Variants in ENG observed in about 807,000 individuals in gnomAD.
ENG encodes the protein endoglin.
ENG carries 17 observed loss-of-function variants against 71.0 expected under a neutral mutation model. That is an observed-to-expected ratio of 0.24 (90% confidence interval 0.16 to 0.36). The LOEUF is 0.36. Among genes scored for constraint, ENG ranks in the 10% least tolerant of loss-of-function variants. The pLI, the probability that ENG is intolerant of heterozygous loss-of-function variation, is 1.00. For synonymous variants in ENG, 360 were observed against 366.9 expected, an observed-to-expected ratio of 0.98 and a Z score of 0.21; for missense variants, 749 against 868.3, an observed-to-expected ratio of 0.86 and a Z score of 1.73.
At chr9:127,843,065 C>G (rs1293529017) in intron 2 of ENG, 29 bp downstream of exon 2, 35 of 1,613,438 alleles carry the variant, frequency 2.2e-5, no homozygotes, top group Non-Finnish European at 3.0e-5. Context: ...CCTCTGAGCC[C>G]CCACCCGACC....
At chr9:127,829,593 G>A (rs1830709037) in intron 3 of ENG, 94 bp downstream of exon 3, 2 of 1,530,062 alleles carry the variant, frequency 1.3e-6, no homozygotes, top group East Asian at 4.7e-5. Flanking sequence ...GCAGGGCTGG[G>A]CCGCTGGGGT....
intron 2 of ENG, among the ~76,000 whole-genome samples, chr9:127,840,526 AAAAC>A (rs954660424): frequency 1.1e-4 from 17 of 152,184 alleles, no homozygotes; most frequent in Non-Finnish European, 1.8e-4. Context: ...AAAACAACAA[AAAAC>A]AAACAAACAG....
At chr9:127,829,595 C>T (rs886983044) in intron 3 of ENG, 92 bp downstream of exon 3, 30 of 1,542,292 alleles carry the variant, frequency 1.9e-5, no homozygotes, top group East Asian at 4.7e-5. Flanking sequence ...AGGGCTGGGC[C>T]GCTGGGGTGG....
rs1200680629 is a variant in ENG at position 127,846,529 on chromosome 9, C to G, written c.68-3284G>C. ...GATTGCTGGGGCCGCCTGGGGCCGC[C>G]TCCTCCATGCCGTCAGCCAGCGGGA... On this transcript the variant is annotated intron_variant, in intron 1 of 14. Coordinates refer to ENST00000373203, the MANE Select transcript of ENG (RefSeq NM_001114753.3). The surrounding 1 kb of genome is among the most constrained non-coding windows in gnomAD (Gnocchi z 5.5). Among the ~76,000 whole-genome samples the G allele has an allele frequency of 6.6e-6, 1 of 152,226 alleles. No homozygotes were observed. Among genetic ancestry groups the G allele is most frequent in the East Asian group, 1.9e-4 (1 of 5,200 alleles).
intron 13 of ENG, 126 bp downstream of exon 13, chr9:127,817,023 G>A (rs1236637469): frequency 5.5e-6 from 6 of 1,098,194 alleles, no homozygotes; most frequent in Non-Finnish European, 8.2e-6. Flanking sequence ...GCCCCTTCTG[G>A]GCCGCTTTCT....
chr9:127,826,274 C>G (rs1287884587), intron 4 of ENG, among the ~76,000 whole-genome samples: 1 of 152,204 alleles, frequency 6.6e-6, no homozygotes, highest in African/African-American at 2.4e-5. Flanking sequence ...CACAATAGAT[C>G]GTATGAAAAT....
chr9:127,846,236 C>A lies in ENG; in HGVS notation c.68-2991G>T, dbSNP rs1831165837. Among the ~76,000 whole-genome samples, 1 of 152,168 alleles carries A rather than the reference C, an allele frequency of 6.6e-6. No homozygotes were observed. The highest frequency in any genetic ancestry group is 1.5e-5 in the Non-Finnish European group (1 of 68,026). Reference sequence around the variant, plus strand: ...TCTGACCCACCAGCCCCCATGTTCTCCCCACCCTCTCCTTTCCTCATCGGT... The same window carrying A: ...TCTGACCCACCAGCCCCCATGTTCTACCCACCCTCTCCTTTCCTCATCGGT... On this transcript the variant is annotated intron_variant, in intron 1 of 14. Transcript: ENST00000373203. The surrounding 1 kb of genome is among the most constrained non-coding windows in gnomAD (Gnocchi z 5.5).
At position 127,825,710 on chromosome 9, in the gene ENG, G is replaced by T. The variant is rs781715616; in HGVS notation, c.674C>A (p.Pro225Gln). 3 of 1,586,488 alleles carry T rather than the reference G, an allele frequency of 1.9e-6. No homozygotes were observed. The highest frequency in any genetic ancestry group is 1.3e-5 in the African/African-American group (1 of 74,568). ...HKEAHILRVL[P>Q]GHSAGPRTVT... is the part of the protein sequence containing the mutation. The stretch of plus-strand genomic sequence containing the variant: ...AGAGCCATACCCGGCCGAGTGGCCC[G>T]GCAGGACCCTCAGGATGTGCGCCTC... Residue 225 changes from proline to glutamine, a missense_variant, in exon 5 of 15, where the codon CCG becomes CAG. Pro to Gln is a moderately conservative substitution (Grantham distance 76). Transcript: ENST00000373203.
chr9:127,815,846 C>T, intron 14 of ENG, 40 bp from the exon 15 acceptor site: 2 of 1,549,918 alleles, frequency 1.3e-6, no homozygotes, highest in Non-Finnish European at 1.7e-6. Context: ...GGTCAGGGTC[C>T]TGGCCAGGGC....
At position 127,843,129 on chromosome 9, in the gene ENG, G is replaced by T; in HGVS notation, c.184C>A (p.Leu62Ile). The T allele has an allele frequency of 7.4e-6, 12 of 1,614,216 alleles. No individual in the cohort carries two copies. The highest frequency in any genetic ancestry group is 1.0e-5 in the Non-Finnish European group (12 of 1,180,028). Residue 62 changes from leucine (L) to isoleucine (I), a missense_variant, in exon 2 of 15, where the codon CTT becomes ATT. By Grantham distance (5) the Leu-to-Ile change is conservative. Coordinates refer to ENST00000373203, the MANE Select transcript of ENG (RefSeq NM_001114753.3). Reference protein sequence around the residue: ...GCVAQAPNAILEVHVLFLEFP... With the variant: ...GCVAQAPNAIIEVHVLFLEFP... The stretch of plus-strand genomic sequence containing the variant: ...TCCAGGAAGAGGACATGGACTTCAA[G>T]GATGGCATTGGGGGCCTGAGCCACG...
In ENG at chr9:127,854,343, T is replaced by C; in HGVS notation, c.13A>G (p.Thr5Ala). 1 of 1,593,182 alleles carries C rather than the reference T, an allele frequency of 6.3e-7. No individual in the cohort carries two copies. Among genetic ancestry groups the C allele is most frequent in the South Asian group, 1.1e-5 (1 of 87,642 alleles). ...AGCAGGGCAACAGCCAGAGGGAGCG[T>C]GCCGCGGTCCATGCTGTCCACGTGG... is the stretch of plus-strand genomic sequence containing the variant. MDRG[T>A]LPLAVALLLA... Residue 5 changes from threonine (T) to alanine (A), a missense_variant, in exon 1 of 15, where the codon ACG becomes GCG. By Grantham distance (58) the Thr-to-Ala change is moderately conservative. Coordinates refer to ENST00000373203, the MANE Select transcript of ENG (RefSeq NM_001114753.3).
At chr9:127,818,940 C>CTTTT in intron 10 of ENG, 108 bp from the exon 11 acceptor site, 7 of 685,230 alleles carry the variant, frequency 1.0e-5, no homozygotes, top group Admixed American at 2.4e-5. Context: ...GCCTGACTCT[C>CTTTT]TTTTTTTTTT....
At chr9:127,819,724 A>T in intron 9 of ENG, 64 bp from the exon 10 acceptor site, 1 of 1,585,766 alleles carries the variant, frequency 6.3e-7, no homozygotes, top group Non-Finnish European at 8.6e-7. Context: ...ATCCCACCCA[A>T]TACGCCCATT....
chr9:127,828,734 TCTGA>T (rs1830689077), intron 3 of ENG, among the ~76,000 whole-genome samples: 4 of 152,138 alleles, frequency 2.6e-5, no homozygotes, highest in African/African-American at 9.7e-5. Context: ...CTTGGTCATG[TCTGA>T]CTGTCTCTGT....
At position 127,819,257 on chromosome 9, in the gene ENG, A is replaced by G. The variant is rs1423871571; in HGVS notation, c.1311+365T>C. Reference sequence around the variant, plus strand: ...CGGCCCTTTTTTTTTTTTTTAAACTAATATTTATCAAGGAGGCACCAGCTG... The same window carrying G: ...CGGCCCTTTTTTTTTTTTTTAAACTGATATTTATCAAGGAGGCACCAGCTG... On this transcript the variant is annotated intron_variant, in intron 10 of 14. Coordinates refer to ENST00000373203, the MANE Select transcript of ENG (RefSeq NM_001114753.3). 4.4e-5 allele frequency: 14 copies of G among 315,880 alleles called. No individual in the cohort carries two copies. The East Asian group carries it at 1.1e-3, about 26-fold the overall frequency. 19.6% of individuals were successfully genotyped at this position (315,880 alleles called of 1,614,324 possible).
chr9:127,825,210 C>G (rs375757277), intron 6 of ENG, 21 bp downstream of exon 6: 1 of 1,612,716 alleles, frequency 6.2e-7, no homozygotes, highest in Non-Finnish European at 8.5e-7. Context: ...TTTTGTGTCC[C>G]GGGAGCTGCG....
chr9:127,846,719 G>A lies in ENG; in HGVS notation c.68-3474C>T, dbSNP rs544366589. Among the ~76,000 whole-genome samples, 3 of 152,210 alleles carry A rather than the reference G, an allele frequency of 2.0e-5. No homozygotes were observed. The East Asian group carries it at 5.8e-4, about 29-fold the overall frequency. On this transcript the variant is annotated intron_variant, in intron 1 of 14. Transcript: ENST00000373203. The surrounding 1 kb of genome is among the most constrained non-coding windows in gnomAD (Gnocchi z 5.5). ...AGTGTGACGCCTGGGCCTGTCTCCC[G>A]GAGCCTGAGGCGGGCCCAGACCAAG...
chr9:127,816,937 G>A (rs922003571), intron 13 of ENG: 2 of 630,788 alleles, frequency 3.2e-6, no homozygotes, highest in African/African-American at 1.8e-5. Flanking sequence ...GCGGTCCCGG[G>A]CAAGGGCTCT....
At chr9:127,839,672 CAGCCTCTCTAAT>C (rs1428637271) in intron 2 of ENG, among the ~76,000 whole-genome samples, 82 of 152,332 alleles carry the variant, frequency 5.4e-4, no homozygotes, top group African/African-American at 1.9e-3. Context: ...TCTCTTGCCT[CAGCCTCTCTAAT>C]AGCTGGGATT....
Sources: gnomAD v4.1 joint callset for allele counts (sites outside exome capture counted in the v4.1 genomes callset) on GRCh38, gnomAD v4.1.1 for gene constraint, Gnocchi (gnomAD v3.1) non-coding constraint, MANE v1.5 for transcripts, NCBI Gene and HGNC (gene_info 2026-07-23, HGNC 2026-07-21) for gene names.